The following RASAL2 variants were observed in gnomAD, a reference collection of about 807,000 sequenced individuals.
RASAL2 encodes ras GTPase-activating protein nGAP.
Under a neutral mutation model 128.9 loss-of-function variants are expected in RASAL2, and 58 were observed. The ratio of observed to expected loss-of-function variants is 0.45; its 90% CI spans 0.36 to 0.56. The LOEUF is 0.56. Ranked by LOEUF, RASAL2 falls within the 20% of genes least tolerant of loss-of-function variation. The probability of loss-of-function intolerance (pLI) is 0.00; values close to 1 mark genes in which losing one functional copy is unlikely to be tolerated. For synonymous variants in RASAL2, 561 were observed against 580.8 expected, an observed-to-expected ratio of 0.97 and a Z score of 0.49; for missense variants, 1,360 against 1,601.6, an observed-to-expected ratio of 0.85 and a Z score of 2.57.
chr1:178,145,769 C>G (rs1044704658), intron 1 of RASAL2, among the ~76,000 whole-genome samples: 5 of 152,196 alleles, frequency 3.3e-5, no homozygotes, highest in African/African-American at 1.2e-4. Context: ...ACAGGACCTT[C>G]TGCCATTGCA....
In RASAL2 at chr1:178,302,280, T is replaced by A. The variant is rs57478157; in HGVS notation, c.457+2162T>A. ...ATTTCTGCTCTTAGAACATTTTTTT[T>A]ATGTAGTTAGCAAGATAGGATGAAT... On this transcript the variant is annotated intron_variant, in intron 3 of 17. Transcript: ENST00000367649. Among the ~76,000 whole-genome samples the A allele has an allele frequency of 1.1e-3, 172 of 152,252 alleles. 2 individuals carry two copies. The highest frequency in any genetic ancestry group is 4.0e-3 in the African/African-American group (167 of 41,562).
intron 3 of RASAL2, among the ~76,000 whole-genome samples, chr1:178,368,968 C>G (rs1443193295): frequency 6.6e-6 from 1 of 152,082 alleles, no homozygotes; most frequent in African/African-American, 2.4e-5. Flanking sequence ...TTTTGATGCT[C>G]TTGACTCACA....
At chr1:178,173,562 A>AT (rs1247718964) in intron 1 of RASAL2, among the ~76,000 whole-genome samples, 3 of 151,986 alleles carry the variant, frequency 2.0e-5, no homozygotes, top group Non-Finnish European at 4.4e-5. Context: ...TGGGGAGATG[A>AT]TTTTCAGTAG....
intron 4 of RASAL2, among the ~76,000 whole-genome samples, chr1:178,400,578 T>C (rs1363932568): frequency 6.6e-6 from 1 of 152,264 alleles, no homozygotes; most frequent in Non-Finnish European, 1.5e-5. Flanking sequence ...GACAATTCAT[T>C]TGGGGTGCAG....
At chr1:178,213,002 A>G (rs1364746813) in intron 1 of RASAL2, among the ~76,000 whole-genome samples, 2 of 152,154 alleles carry the variant, frequency 1.3e-5, no homozygotes, top group Non-Finnish European at 2.9e-5. Flanking sequence ...ATTCCCAACT[A>G]GGTACAACCA....
At chr1:178,334,285 C>T (rs1450603302) in intron 3 of RASAL2, among the ~76,000 whole-genome samples, 1 of 151,492 alleles carries the variant, frequency 6.6e-6, no homozygotes, top group African/African-American at 2.4e-5. Flanking sequence ...GTTTGTTTCT[C>T]ATGTCCACAA....
intron 3 of RASAL2, among the ~76,000 whole-genome samples, chr1:178,342,490 G>T (rs957772165): frequency 2.2e-4 from 33 of 152,170 alleles, no homozygotes; most frequent in Non-Finnish European, 1.5e-5. Flanking sequence ...TGGAGAGGAG[G>T]TATTGAGAAA....
At chr1:178,460,482 A>G (rs779798508) in intron 14 of RASAL2, among the ~76,000 whole-genome samples, 5 of 152,104 alleles carry the variant, frequency 3.3e-5, no homozygotes, top group Admixed American at 1.3e-4. Flanking sequence ...CACATAATAC[A>G]TGTTTCTGTG....
Position 178,452,598 on chromosome 1 carries a change from C to T in RASAL2, c.1955C>T (p.Ser652Phe). The T allele has an allele frequency of 6.2e-7, 1 of 1,614,056 alleles. No individual in the cohort carries two copies. Among genetic ancestry groups the T allele is most frequent in the Non-Finnish European group, 8.5e-7 (1 of 1,179,958 alleles). Residue 652 changes from serine to phenylalanine, a missense_variant, in exon 11 of 18, where the codon TCT becomes TTT. Transcript: ENST00000367649. ...LMQEYPDDRT[S>F]RTLTLIAKVI... Reference sequence around the variant, plus strand: ...CAGGAGTATCCTGATGACCGCACATCTCGGACTCTAACTCTTATTGCCAAG... The same window carrying T: ...CAGGAGTATCCTGATGACCGCACATTTCGGACTCTAACTCTTATTGCCAAG...
intron 1 of RASAL2, among the ~76,000 whole-genome samples, chr1:178,208,113 A>G (rs1558115609): frequency 6.6e-6 from 1 of 152,214 alleles, no homozygotes; most frequent in Non-Finnish European, 1.5e-5. Flanking sequence ...AACTGTACAA[A>G]TCGATTGTAA....
At chr1:178,271,046 C>G (rs1666226575) in intron 1 of RASAL2, among the ~76,000 whole-genome samples, 2 of 152,104 alleles carry the variant, frequency 1.3e-5, no homozygotes. Context: ...GAGAGCAAAC[C>G]TCCATTCTTT....
intron 3 of RASAL2, among the ~76,000 whole-genome samples, chr1:178,356,105 C>T (rs1571916902): frequency 1.4e-5 from 2 of 147,022 alleles, no homozygotes. Flanking sequence ...GAGGCAGAGG[C>T]TGCAGTGAGC....
chr1:178,357,402 C>G (rs909610314), intron 3 of RASAL2, among the ~76,000 whole-genome samples: 1 of 151,500 alleles, frequency 6.6e-6, no homozygotes, highest in Non-Finnish European at 1.5e-5. Context: ...AAAAGCTACC[C>G]TTTATCATCA....
At chr1:178,197,472 G>C (rs1353104539) in intron 1 of RASAL2, among the ~76,000 whole-genome samples, 3 of 151,694 alleles carry the variant, frequency 2.0e-5, no homozygotes, top group Non-Finnish European at 4.4e-5. Context: ...AACCAGGCGT[G>C]GTGGTGTGCA....
chr1:178,240,402 G>A (rs1268692408), intron 1 of RASAL2, among the ~76,000 whole-genome samples: 1 of 151,800 alleles, frequency 6.6e-6, no homozygotes, highest in African/African-American at 2.4e-5. Context: ...AGTGTTTATT[G>A]TATTTCTTTA....
At chr1:178,388,915 G>C (rs1672736282) in intron 3 of RASAL2, among the ~76,000 whole-genome samples, 1 of 152,206 alleles carries the variant, frequency 6.6e-6, no homozygotes, top group Non-Finnish European at 1.5e-5. Flanking sequence ...CAGAACGATT[G>C]ATTGAATAGC....
chr1:178,314,954 C>A (rs1158321387), intron 3 of RASAL2, among the ~76,000 whole-genome samples: 23 of 131,398 alleles, frequency 1.8e-4, no homozygotes, highest in African/African-American at 5.4e-4. Context: ...CCCACCCCAC[C>A]ACAGTCCCCA....
intron 1 of RASAL2, among the ~76,000 whole-genome samples, chr1:178,164,387 G>C (rs1661438532): frequency 6.6e-6 from 1 of 151,954 alleles, no homozygotes; most frequent in South Asian, 2.1e-4. Context: ...TATTGAAAAA[G>C]CTGGTTATTC....
chr1:178,246,814 A>G (rs1045271018), intron 1 of RASAL2, among the ~76,000 whole-genome samples: 2 of 152,120 alleles, frequency 1.3e-5, no homozygotes, highest in African/African-American at 2.4e-5. Flanking sequence ...TTCTGCATCT[A>G]TTGAGATAAT....
Sources: gnomAD v4.1 joint callset for allele counts (sites outside exome capture counted in the v4.1 genomes callset) on GRCh38, gnomAD v4.1.1 for gene constraint, MANE v1.5 for transcripts, NCBI Gene and HGNC (gene_info 2026-07-23, HGNC 2026-07-21) for gene names.